The following ELFN2 variants were observed in gnomAD, a reference collection of about 807,000 sequenced individuals.
The protein encoded by ELFN2 is extracellular leucine rich repeat and fibronectin type III domain containing 2, also known as protein phosphatase 1 regulatory subunit 29.
In ELFN2, 17 loss-of-function variants were observed where a neutral mutation model predicts 45.5. The ratio of observed to expected loss-of-function variants is 0.37; its 90% CI spans 0.26 to 0.56. The LOEUF (loss-of-function observed/expected upper bound fraction) is 0.56, where lower values mean the gene tolerates loss of function less well. ELFN2 is among the 20% of genes least tolerant of loss of function. The pLI, the probability that ELFN2 is intolerant of heterozygous loss-of-function variation, is 0.77. For synonymous variants in ELFN2, 550 were observed against 551.5 expected (o/e 1.00, Z 0.04); for missense variants, 922 against 1,183.2 (o/e 0.78, Z 3.24).
chr22:37,380,150 C>G (rs761209812), intron 2 of ELFN2, among the ~76,000 whole-genome samples: 1 of 152,238 alleles, frequency 6.6e-6, no homozygotes, highest in South Asian at 2.1e-4. Flanking sequence ...ACCCCGGACC[C>G]GGGGAGAGCC....
rs1274149324 is a variant in ELFN2, at chr22:37,375,567, G to A, written c.-33C>T. On this transcript the variant is annotated 5_prime_UTR_variant, in exon 3 of 3. Coordinates refer to ENST00000402918, the MANE Select transcript of ELFN2 (RefSeq NM_052906.5). Reference sequence around the variant, plus strand: ...GCCTCGGAGTGAGGGGCCAGGGCAAGGCAGGGGGTGCCTAGCGGCCAGAGG... The same window carrying A: ...GCCTCGGAGTGAGGGGCCAGGGCAAAGCAGGGGGTGCCTAGCGGCCAGAGG... 2 of 1,504,102 alleles carry A rather than the reference G, an allele frequency of 1.3e-6. No homozygotes were observed. The highest frequency in any genetic ancestry group is 2.5e-5 in the East Asian group (1 of 40,456). 93.2% of individuals were successfully genotyped at this position (1,504,102 alleles called of 1,614,324 possible).
chr22:37,419,603 C>G lies in ELFN2; in HGVS notation c.-613-1684G>C, dbSNP rs528715310. On this transcript the variant is annotated intron_variant, in intron 1 of 2. Coordinates refer to ENST00000402918, the MANE Select transcript of ELFN2 (RefSeq NM_052906.5). ...CAGGGGCACCGTGGACTGCCCCGCC[C>G]CACGCTCACCAAACACACCCAGAAA... Among the ~76,000 whole-genome samples, 4 of 152,198 alleles carry G rather than the reference C, an allele frequency of 2.6e-5. No homozygotes were observed. In the South Asian group the frequency reaches 8.3e-4, roughly 32 times the overall value.
chr22:37,399,949 G>A (rs149731429), intron 2 of ELFN2, among the ~76,000 whole-genome samples: 13 of 152,212 alleles, frequency 8.5e-5, no homozygotes, highest in African/African-American at 1.9e-4. Context: ...AGCATCATTC[G>A]CAAAGGACAG....
In ELFN2 at chr22:37,382,396, C is replaced by T. The variant is rs554280491; in HGVS notation, c.-462-6400G>A. Among the ~76,000 whole-genome samples, 9 of 152,290 alleles carry T rather than the reference C, an allele frequency of 5.9e-5. No individual in the cohort carries two copies. The South Asian group carries it at 8.3e-4, about 14-fold the overall frequency. On this transcript the variant is annotated intron_variant, in intron 2 of 2. Coordinates refer to ENST00000402918, the MANE Select transcript of ELFN2 (RefSeq NM_052906.5). ...AGTAGCTGGGACTACAGGTGCATGCCGCCACGCCCAGCTAATTTTTGTATT... is the reference window on the plus strand; with the variant it reads ...AGTAGCTGGGACTACAGGTGCATGCTGCCACGCCCAGCTAATTTTTGTATT...
chr22:37,420,955 C>T (rs1932805362), intron 1 of ELFN2, among the ~76,000 whole-genome samples: 1 of 152,108 alleles, frequency 6.6e-6, no homozygotes, highest in South Asian at 2.1e-4. Context: ...GCCATCCAAC[C>T]AGCAAATGTG....
intron 2 of ELFN2, among the ~76,000 whole-genome samples, chr22:37,378,482 C>A (rs973432496): frequency 6.6e-6 from 1 of 152,222 alleles, no homozygotes; most frequent in African/African-American, 2.4e-5. Context: ...CGTGGAGGGG[C>A]ATGGGAGAAG....
At chr22:37,354,613 G>A (rs1040482509) in intron 1 of ELFN2, 5 of 152,064 alleles carry the variant, frequency 3.3e-5, no homozygotes, top group Admixed American at 3.3e-4. Context: ...TGGGGGTAGG[G>A]TTGCCAGAGT....
At chr22:37,385,725 C>T (rs905949001) in intron 2 of ELFN2, among the ~76,000 whole-genome samples, 2 of 152,154 alleles carry the variant, frequency 1.3e-5, no homozygotes, top group Non-Finnish European at 2.9e-5. Context: ...AAGGGTGCCC[C>T]GATCCCTGCC....
Position 37,354,469 on chromosome 22 carries a change from C to T in ELFN2, n.149-11766G>A, listed in dbSNP as rs58897121. On this transcript the variant is annotated intron_variant and non_coding_transcript_variant, in intron 1 of 2. Coordinates refer to ENST00000452946, the Ensembl canonical transcript of ELFN2. ...AATGACCACTCCCTACCCCACATGA[C>T]TTAGGTATGTGACCTTCCATACCTT... The T allele has an allele frequency of 2.6e-3, 399 of 152,330 alleles. 3 individuals are homozygous for T. Among genetic ancestry groups the T allele is most frequent in the African/African-American group, 9.0e-3 (373 of 41,536 alleles). 9.4% of individuals were successfully genotyped at this position (152,330 alleles called of 1,614,324 possible).
At chr22:37,343,901 AC>A (rs1220149989) in intron 1 of ELFN2, among the ~76,000 whole-genome samples, 2 of 149,234 alleles carry the variant, frequency 1.3e-5, no homozygotes, top group African/African-American at 5.0e-5. Flanking sequence ...TGCCCCTCAC[AC>A]CCCCCTGGAT....
chr22:37,419,936 G>T (rs1309253327), intron 1 of ELFN2, among the ~76,000 whole-genome samples: 1 of 152,126 alleles, frequency 6.6e-6, no homozygotes, highest in East Asian at 1.9e-4. Flanking sequence ...CGCCCCTGCC[G>T]GTCGCTTTCC....
chr22:37,401,884 G>A (rs572436520), intron 2 of ELFN2, among the ~76,000 whole-genome samples: 1 of 152,304 alleles, frequency 6.6e-6, no homozygotes, highest in Admixed American at 6.5e-5. Context: ...CCTCCTTGGC[G>A]ACAAGGGAAA....
At chr22:37,398,462 C>T (rs956746968) in intron 2 of ELFN2, among the ~76,000 whole-genome samples, 2 of 152,092 alleles carry the variant, frequency 1.3e-5, no homozygotes, top group African/African-American at 2.4e-5. Context: ...TCCACCACCC[C>T]ACTCCTGTCC....
At chr22:37,367,116 C>T (rs917615673), downstream of ELFN2, among the ~76,000 whole-genome samples, 12 of 152,178 alleles carry the variant, frequency 7.9e-5, no homozygotes, top group Non-Finnish European at 1.6e-4. Context: ...TACAGGCTTT[C>T]GTGGAGGAGA....
intron 2 of ELFN2, among the ~76,000 whole-genome samples, chr22:37,414,363 G>A (rs183999162): frequency 1.1e-4 from 17 of 152,342 alleles, no homozygotes; most frequent in Admixed American, 6.5e-4. Context: ...AGACAGACAT[G>A]CACTGAGCCA....
intron 2 of ELFN2, among the ~76,000 whole-genome samples, chr22:37,406,013 G>A (rs1479274666): frequency 6.6e-6 from 1 of 152,082 alleles, no homozygotes; most frequent in African/African-American, 2.4e-5. Flanking sequence ...ATAGTGAGAC[G>A]CACCTGTAGC....
intron 2 of ELFN2, among the ~76,000 whole-genome samples, chr22:37,415,423 G>C (rs575596309): frequency 6.6e-6 from 1 of 152,302 alleles, no homozygotes; most frequent in African/African-American, 2.4e-5. Context: ...CACAGGCCCT[G>C]GGGCAGGCAG....
At chr22:37,357,302 G>A (rs772711538) in intron 1 of ELFN2, among the ~76,000 whole-genome samples, 5 of 152,202 alleles carry the variant, frequency 3.3e-5, no homozygotes, top group East Asian at 3.8e-4. Context: ...GGAGGTTGGG[G>A]AATGTCTTAA....
intron 2 of ELFN2, among the ~76,000 whole-genome samples, chr22:37,381,816 C>T (rs1436713463): frequency 2.0e-5 from 3 of 151,872 alleles, no homozygotes; most frequent in African/African-American, 7.3e-5. Flanking sequence ...GATCCTGGAT[C>T]CCCTGACTCG....
Sources: allele counts gnomAD v4.1 joint callset (sites outside exome capture counted in the v4.1 genomes callset), GRCh38; gene constraint gnomAD v4.1.1; transcripts MANE v1.5; gene names NCBI Gene and HGNC (gene_info 2026-07-23, HGNC 2026-07-21).